ASB5: variants seen among roughly 807,000 people sequenced by gnomAD.
ASB5 encodes the protein ankyrin repeat and SOCS box containing 5.
A neutral mutation model predicts 42.1 loss-of-function variants in ASB5; 45 were observed. The ratio of observed to expected loss-of-function variants is 1.07; its 90% CI spans 0.84 to 1.37. ASB5 has a LOEUF of 1.37. ASB5 is among the 40% of genes most tolerant of loss of function. The pLI, the probability that ASB5 is intolerant of heterozygous loss-of-function variation, is 0.00. For synonymous variants in ASB5, 147 were observed against 150.6 expected (o/e 0.98, Z 0.18); for missense variants, 402 against 399.8 (o/e 1.01, Z -0.05).
rs143577903 is a variant in ASB5, at chr4:176,215,287, C to T, written c.*313G>A. 5.7e-4 allele frequency: 101 copies of T among 175,852 alleles called. No individual in the cohort carries two copies. The highest frequency in any genetic ancestry group is 2.4e-3 in the African/African-American group (100 of 42,370). The allele number at this position is 175,852 out of a possible 1,614,324, so 10.9% of individuals were successfully genotyped here. On this transcript the variant is annotated 3_prime_UTR_variant, in exon 7 of 7. Coordinates refer to ENST00000296525, the MANE Select transcript of ASB5 (RefSeq NM_080874.4). Reference sequence around the variant, plus strand: ...TTTAAATATAATATGAATAACTTTACTAGGAGCTTTATTTCTTTCCAATCC... The same window carrying T: ...TTTAAATATAATATGAATAACTTTATTAGGAGCTTTATTTCTTTCCAATCC...
intron 5 of ASB5, among the ~76,000 whole-genome samples, chr4:176,220,220 T>G (rs1753164428): frequency 2.0e-5 from 3 of 152,102 alleles, no homozygotes; most frequent in Admixed American, 6.6e-5. Context: ...AATAACAATC[T>G]GTCAATGACT....
intron 1 of ASB5, among the ~76,000 whole-genome samples, chr4:176,237,115 C>T (rs1579321904): frequency 1.3e-5 from 2 of 152,170 alleles, no homozygotes; most frequent in Non-Finnish European, 1.5e-5. Context: ...ATGAGTCAGC[C>T]GATGCAGTTT....
At chr4:176,260,072 G>GT (rs1754228885) in intron 1 of ASB5, among the ~76,000 whole-genome samples, 1 of 152,326 alleles carries the variant, frequency 6.6e-6, no homozygotes, top group African/African-American at 2.4e-5. Context: ...AAAGATATGT[G>GT]TAACAAATAA....
chr4:176,216,807 AT>A lies in ASB5; in HGVS notation c.862+10del. ...TTTGTTTTTGTAAGTTTCCACATGT[AT>A]TTTTCTTACCTTCATGTTGAAGCAA... On this transcript the variant is annotated intron_variant, in intron 6 of 6. Transcript: ENST00000296525. 1 of 1,537,536 alleles carries A rather than the reference AT, an allele frequency of 6.5e-7. No homozygotes were observed. The highest frequency in any genetic ancestry group is 8.7e-7 in the Non-Finnish European group (1 of 1,144,456).
chr4:176,260,393 T>G (rs1053165944), intron 1 of ASB5, among the ~76,000 whole-genome samples: 11 of 152,158 alleles, frequency 7.2e-5, no homozygotes, highest in Non-Finnish European at 1.0e-4. Context: ...GAATGAGGAT[T>G]GAGAAAAAAA....
intron 1 of ASB5, among the ~76,000 whole-genome samples, chr4:176,225,986 T>C (rs1013034098): frequency 2.0e-5 from 3 of 152,254 alleles, no homozygotes; most frequent in Non-Finnish European, 2.9e-5. Context: ...GCATTTATTT[T>C]GGAGATTAAG....
intron 1 of ASB5, among the ~76,000 whole-genome samples, chr4:176,267,973 T>C (rs1754390542): frequency 6.6e-6 from 1 of 152,208 alleles, no homozygotes; most frequent in East Asian, 1.9e-4. Flanking sequence ...GAGACTTTTC[T>C]TTCAAGTTTA....
chr4:176,263,011 T>C (rs1414180805), intron 1 of ASB5, among the ~76,000 whole-genome samples: 1 of 152,166 alleles, frequency 6.6e-6, no homozygotes, highest in Non-Finnish European at 1.5e-5. Context: ...TGGAGGTGTA[T>C]AGTCTAATGG....
intron 1 of ASB5, among the ~76,000 whole-genome samples, chr4:176,237,745 C>T (rs1011572742): frequency 2.6e-5 from 4 of 152,232 alleles, no homozygotes; most frequent in South Asian, 2.1e-4. Flanking sequence ...TTTTCCTAGT[C>T]GAAACAGAAT....
chr4:176,230,219 G>A (rs386474042), intron 1 of ASB5, among the ~76,000 whole-genome samples: 266 of 152,260 alleles, frequency 1.7e-3, no homozygotes, highest in Non-Finnish European at 3.0e-3. Context: ...CTGGTAAATG[G>A]GGGAGATTTT....
At chr4:176,219,973 G>T (rs1440537109) in intron 5 of ASB5, among the ~76,000 whole-genome samples, 5 of 152,140 alleles carry the variant, frequency 3.3e-5, no homozygotes, top group Non-Finnish European at 7.4e-5. Flanking sequence ...GGAAGAAGAA[G>T]AATTGTCTTG....
At chr4:176,238,846 G>A (rs4599352) in intron 1 of ASB5, among the ~76,000 whole-genome samples, 151,357 of 152,314 alleles carry the variant, frequency 0.99, 75,208 homozygotes, top group East Asian at 1. Context: ...TCAAGTTATC[G>A]CTAATGAATA....
chr4:176,237,629 G>A, intron 1 of ASB5: 1 of 940,994 alleles, frequency 1.1e-6, no homozygotes, highest in Non-Finnish European at 1.3e-6. Context: ...GTGGAGGATG[G>A]GCCAGAAATG....
At chr4:176,220,637 T>C (rs867484241) in intron 5 of ASB5, among the ~76,000 whole-genome samples, 7 of 152,152 alleles carry the variant, frequency 4.6e-5, no homozygotes, top group East Asian at 1.9e-4. Flanking sequence ...CCTTGAGGAA[T>C]TGATTTGTTT....
intron 1 of ASB5, among the ~76,000 whole-genome samples, chr4:176,264,294 A>G (rs1754317488): frequency 6.6e-6 from 1 of 152,212 alleles, no homozygotes; most frequent in East Asian, 1.9e-4. Flanking sequence ...GAAATCTGTC[A>G]GCAAAGCTGG....
intron 5 of ASB5, among the ~76,000 whole-genome samples, chr4:176,217,562 G>A (rs1251986255): frequency 6.6e-6 from 1 of 152,186 alleles, no homozygotes; most frequent in East Asian, 1.9e-4. Flanking sequence ...GTTTAAGTCA[G>A]TAAGTATATA....
chr4:176,216,269 A>G (rs1251981272), intron 6 of ASB5, among the ~76,000 whole-genome samples: 3 of 152,214 alleles, frequency 2.0e-5, no homozygotes, highest in Non-Finnish European at 4.4e-5. Context: ...AAGTGCATAT[A>G]ATGCATTACT....
intron 1 of ASB5, among the ~76,000 whole-genome samples, chr4:176,233,876 T>C (rs1427402138): frequency 6.6e-6 from 1 of 152,150 alleles, no homozygotes; most frequent in African/African-American, 2.4e-5. Context: ...AACCCTTGAT[T>C]CCTTACTCCT....
upstream of ASB5, among the ~76,000 whole-genome samples, chr4:176,273,926 C>T (rs1754519559): frequency 6.6e-6 from 1 of 152,104 alleles, no homozygotes; most frequent in Non-Finnish European, 1.5e-5. Context: ...TTCTTATAAA[C>T]CCAGCATTTC....
Sources: allele counts gnomAD v4.1 joint callset (sites outside exome capture counted in the v4.1 genomes callset), GRCh38; gene constraint gnomAD v4.1.1; transcripts MANE v1.5; gene names NCBI Gene and HGNC (gene_info 2026-07-23, HGNC 2026-07-21).